The following WASL variants were observed in gnomAD, a reference collection of about 807,000 sequenced individuals.
The protein encoded by WASL is actin nucleation-promoting factor WASL.
Under a neutral mutation model 55.5 loss-of-function variants are expected in WASL, and 20 were observed. That is an observed-to-expected ratio of 0.36 (90% CI 0.25 to 0.52). The LOEUF is 0.52. WASL is among the 20% of genes least tolerant of loss of function. The pLI is 0.92. For missense variants in WASL, 504 were observed against 622.5 expected (o/e 0.81, Z 2.03); for synonymous variants, 249 against 217.6 (o/e 1.14, Z -1.27).
chr7:123,736,184 TTTCAAGAAC>T (rs1235379929), intron 1 of WASL, among the ~76,000 whole-genome samples: 45 of 152,276 alleles, frequency 3.0e-4, no homozygotes, highest in African/African-American at 1.1e-3. Flanking sequence ...AGAAAATTTC[TTTCAAGAAC>T]TGGGATAAAA....
intron 5 of WASL, among the ~76,000 whole-genome samples, chr7:123,699,824 T>C (rs1584859081): frequency 6.6e-6 from 1 of 152,220 alleles, no homozygotes. Context: ...GAATATATTA[T>C]TATGCATCAA....
intron 9 of WASL, among the ~76,000 whole-genome samples, chr7:123,689,931 C>T (rs899690558): frequency 9.2e-5 from 14 of 152,232 alleles, no homozygotes; most frequent in Admixed American, 4.6e-4. Context: ...CCATTTTGAT[C>T]TGTACAATTC....
intron 5 of WASL, among the ~76,000 whole-genome samples, chr7:123,699,619 T>C (rs979693695): frequency 3.3e-5 from 5 of 152,178 alleles, no homozygotes; most frequent in Admixed American, 6.5e-5. Context: ...TCCAAGCTAG[T>C]ATATTTTTGA....
intron 10 of WASL, among the ~76,000 whole-genome samples, chr7:123,687,435 T>C (rs748152295): frequency 5.3e-5 from 8 of 152,190 alleles, no homozygotes; most frequent in African/African-American, 1.4e-4. Flanking sequence ...GATCTCCTCA[T>C]TGTTTCTCAA....
rs1189219431 is a variant in WASL at position 123,748,747 on chromosome 7, G to T, written c.-13C>A. The T allele has an allele frequency of 1.9e-6, 3 of 1,566,960 alleles. No homozygotes were observed. In the African/African-American group the frequency reaches 4.1e-5, roughly 22 times the overall value. ...GGACGGAGCTCATGGTTTCGCCGGCGGGGTTGGGAGTCCAGGGCCGTCTCC... is the reference window on the plus strand; with the variant it reads ...GGACGGAGCTCATGGTTTCGCCGGCTGGGTTGGGAGTCCAGGGCCGTCTCC... On this transcript the variant is annotated 5_prime_UTR_variant, in exon 1 of 11. Transcript: ENST00000223023.
At chr7:123,706,044 A>T (rs540661328) in intron 4 of WASL, among the ~76,000 whole-genome samples, 5 of 152,294 alleles carry the variant, frequency 3.3e-5, no homozygotes, top group African/African-American at 1.2e-4. Flanking sequence ...GGACCACCAA[A>T]TTTTTTTGTA....
intron 1 of WASL, among the ~76,000 whole-genome samples, chr7:123,744,477 CAAAA>C (rs1306580821): frequency 6.6e-6 from 1 of 151,600 alleles, no homozygotes; most frequent in Non-Finnish European, 1.5e-5. Flanking sequence ...AGTGAGGAAA[CAAAA>C]AACTAAAGAA....
chr7:123,738,335 GC>G (rs1353610534), intron 1 of WASL, among the ~76,000 whole-genome samples: 1 of 152,120 alleles, frequency 6.6e-6, no homozygotes, highest in Non-Finnish European at 1.5e-5. Flanking sequence ...AAAGAGAATA[GC>G]ACTTTAGCAC....
At chr7:123,700,037 A>G (rs1243063458) in intron 5 of WASL, among the ~76,000 whole-genome samples, 3 of 151,560 alleles carry the variant, frequency 2.0e-5, no homozygotes, top group African/African-American at 4.8e-5. Flanking sequence ...TTATCCGGGC[A>G]TGGTGGCGCG....
At chr7:123,725,387 G>C (rs1406361815) in intron 1 of WASL, among the ~76,000 whole-genome samples, 2 of 150,928 alleles carry the variant, frequency 1.3e-5, no homozygotes, top group African/African-American at 4.9e-5. Context: ...AAAAAAGGAG[G>C]GATATAATTT....
intron 10 of WASL, among the ~76,000 whole-genome samples, chr7:123,686,538 C>T (rs1308699214): frequency 2.0e-5 from 3 of 151,898 alleles, no homozygotes; most frequent in African/African-American, 7.2e-5. Context: ...TAAAAACCAT[C>T]CTATATTTTC....
intron 1 of WASL, among the ~76,000 whole-genome samples, chr7:123,748,246 A>G (rs911135262): frequency 1.3e-5 from 2 of 152,040 alleles, no homozygotes; most frequent in African/African-American, 4.8e-5. Flanking sequence ...GTAAGAGGTG[A>G]AGCGAGAGCT....
rs769200998 is a variant in WASL at position 123,692,415 on chromosome 7, G to C, written c.1279C>G (p.Arg427Gly). ...TCTCGTCCAGAGCAGGACACTGGCC[G>C]ACTGTTCTGCTCCACTTTTTTTAGC... ...AQLKKVEQNSRPVSCSGRDAL... is the reference protein window; with the variant it reads ...AQLKKVEQNSGPVSCSGRDAL... Residue 427 changes from arginine to glycine, a missense_variant, in exon 9 of 11, where the codon CGG becomes GGG. Arg to Gly is a moderately radical substitution (Grantham distance 125). Transcript: ENST00000223023. The C allele has an allele frequency of 6.2e-7, 1 of 1,613,888 alleles. No individual in the cohort carries two copies. Among genetic ancestry groups the C allele is most frequent in the South Asian group, 1.1e-5 (1 of 91,058 alleles).
At position 123,694,705 on chromosome 7, in the gene WASL, T is replaced by G. The variant is rs369694106; in HGVS notation, c.826+10A>C. The G allele has an allele frequency of 6.2e-6, 10 of 1,612,054 alleles. No individual in the cohort carries two copies. Among genetic ancestry groups the G allele is most frequent in the Non-Finnish European group, 8.5e-6 (10 of 1,179,328 alleles). On this transcript the variant is annotated intron_variant, in intron 8 of 10. Transcript: ENST00000223023. Reference sequence around the variant, plus strand: ...AACAAAACAGAACGCTGAATAGAGATAAAAGTTACCTTGCCTCCGCAGTTC... The same window carrying G: ...AACAAAACAGAACGCTGAATAGAGAGAAAAGTTACCTTGCCTCCGCAGTTC...
rs1291185671 is a variant in WASL, at chr7:123,720,374, G to A, written c.118-11151C>T. 9 of 427,308 alleles carry A rather than the reference G, an allele frequency of 2.1e-5. No individual in the cohort carries two copies. The East Asian group carries it at 6.3e-4, about 30-fold the overall frequency. 26.5% of individuals were successfully genotyped at this position (427,308 alleles called of 1,614,324 possible). On this transcript the variant is annotated intron_variant, in intron 1 of 10. Transcript: ENST00000223023. ...AAAAAAAAAAAAAGTTGTTATTCAA[G>A]TAATGATAAGATGAACAAGATACAC...
intron 1 of WASL, among the ~76,000 whole-genome samples, chr7:123,721,559 C>A (rs866075136): frequency 5.9e-5 from 9 of 152,094 alleles, no homozygotes; most frequent in African/African-American, 9.7e-5. Context: ...ACAACAACAA[C>A]AAAAAACCCC....
At chr7:123,702,525 T>C (rs1156381012) in intron 5 of WASL, among the ~76,000 whole-genome samples, 12 of 152,200 alleles carry the variant, frequency 7.9e-5, no homozygotes, top group Admixed American at 7.8e-4. Context: ...TCCATATCCA[T>C]GCATTCCACA....
At chr7:123,746,594 T>A (rs1804434264) in intron 1 of WASL, among the ~76,000 whole-genome samples, 1 of 152,238 alleles carries the variant, frequency 6.6e-6, no homozygotes, top group African/African-American at 2.4e-5. Flanking sequence ...AACGACTTCA[T>A]CCCACAAAAG....
At chr7:123,713,715 CATGAA>C (rs1465650558) in intron 1 of WASL, among the ~76,000 whole-genome samples, 2 of 152,178 alleles carry the variant, frequency 1.3e-5, no homozygotes, top group Admixed American at 6.5e-5. Context: ...GATATATTTA[CATGAA>C]ATGACCTATT....
Sources: gnomAD v4.1 joint callset for allele counts (sites outside exome capture counted in the v4.1 genomes callset) on GRCh38, gnomAD v4.1.1 for gene constraint, MANE v1.5 for transcripts, NCBI Gene and HGNC (gene_info 2026-07-23, HGNC 2026-07-21) for gene names.